The following SLIT1 variants were observed in gnomAD, a reference collection of about 807,000 sequenced individuals.
SLIT1 encodes slit guidance ligand 1.
A neutral mutation model predicts 186.1 loss-of-function variants in SLIT1; 66 were observed. The ratio of observed to expected loss-of-function variants is 0.35; its 90% CI spans 0.29 to 0.44. The LOEUF (loss-of-function observed/expected upper bound fraction) is 0.44. SLIT1 is among the 20% of genes least tolerant of loss of function. SLIT1 has a pLI of 1.00. For synonymous variants in SLIT1, 761 were observed against 833.8 expected, an observed-to-expected ratio of 0.91 and a Z score of 1.50; for missense variants, 1,638 against 2,037.4, an observed-to-expected ratio of 0.80 and a Z score of 3.77.
intron 4 of SLIT1, among the ~76,000 whole-genome samples, chr10:97,086,419 A>T (rs1849160091): frequency 6.6e-6 from 1 of 152,076 alleles, no homozygotes; most frequent in African/African-American, 2.4e-5. Flanking sequence ...AAAAAAAAAA[A>T]ATACAAAAAT....
Position 97,043,433 on chromosome 10 carries a change from T to C in SLIT1, c.1934A>G (p.Tyr645Cys), listed in dbSNP as rs560988850. 3 of 1,613,830 alleles carry C rather than the reference T, an allele frequency of 1.9e-6. No individual in the cohort carries two copies. The highest frequency in any genetic ancestry group is 2.2e-5 in the South Asian group (2 of 91,050). The change falls in exon 19 of 37, where the codon TAC (tyrosine) becomes TGC (cysteine). Residue 645 changes from tyrosine (Y) to cysteine (C), a missense_variant. Around this residue, in one of 3 missense-constraint regions of SLIT1, gnomAD observed 1,245 missense variants for 1,535.3 expected, o/e 0.81. Transcript: ENST00000266058. The surrounding 1 kb of genome is among the most constrained non-coding windows in gnomAD (Gnocchi z 7.0). The part of the protein sequence containing the change: ...GLRNVRLLSL[Y>C]DNQITTVSPG... Reference sequence around the variant, plus strand: ...GGATACGGTGGTGATCTGGTTGTCGTAGAGCGAGAGGAGCCGGACGTTGCG... The same window carrying C: ...GGATACGGTGGTGATCTGGTTGTCGCAGAGCGAGAGGAGCCGGACGTTGCG...
In SLIT1 at chr10:97,060,678, A is replaced by G. The variant is rs779554106; in HGVS notation, c.903T>C (p.Thr301=). The G allele has an allele frequency of 5.6e-6, 9 of 1,613,550 alleles. No individual in the cohort carries two copies. ...GIVDCRGKGL[T]AIPANLPETM... ...TCTCGGGCAGGTTGGCCGGGATGGC[A>G]GTGAGGCCTTTTCCACGACAGTCCA... is the stretch of plus-strand genomic sequence containing the variant. Residue 301 remains threonine (T), a synonymous_variant, in exon 9 of 37, where the codon ACT becomes ACC. Transcript: ENST00000266058.
intron 4 of SLIT1, among the ~76,000 whole-genome samples, chr10:97,121,503 C>T (rs183129210): frequency 6.6e-6 from 1 of 152,284 alleles, no homozygotes; most frequent in Admixed American, 6.5e-5. Flanking sequence ...AGTAATTCTG[C>T]GAGGTCACCA....
intron 4 of SLIT1, among the ~76,000 whole-genome samples, chr10:97,075,717 C>T (rs1432379523): frequency 6.6e-6 from 1 of 152,148 alleles, no homozygotes; most frequent in East Asian, 1.9e-4. Context: ...CATCGTCATC[C>T]CCGGGAAGTT....
At chr10:97,074,752 G>A (rs770079712) in intron 4 of SLIT1, among the ~76,000 whole-genome samples, 30 of 152,166 alleles carry the variant, frequency 2.0e-4, no homozygotes, top group Non-Finnish European at 3.4e-4. Context: ...GGGGCCGCCA[G>A]GCCCACACCC....
At chr10:97,069,398 C>T (rs1848982039) in intron 4 of SLIT1, among the ~76,000 whole-genome samples, 1 of 152,212 alleles carries the variant, frequency 6.6e-6, no homozygotes, top group South Asian at 2.1e-4. Flanking sequence ...AGATGGGAAA[C>T]CAGTGAGTGG....
intron 4 of SLIT1, among the ~76,000 whole-genome samples, chr10:97,093,615 T>A (rs1440197902): frequency 1.3e-5 from 2 of 152,140 alleles, no homozygotes; most frequent in Admixed American, 1.3e-4. Context: ...GATAGAGGGG[T>A]CCTGGGACTC....
chr10:97,034,606 G>A (rs1016428600), intron 22 of SLIT1, 64 bp from the exon 23 acceptor site: 42 of 1,425,224 alleles, frequency 2.9e-5, no homozygotes, highest in Non-Finnish European at 4.1e-5. Context: ...ACATTCACGG[G>A]CTTCTTCCCC....
At chr10:97,067,259 A>C (rs947126541) in intron 4 of SLIT1, among the ~76,000 whole-genome samples, 5 of 152,156 alleles carry the variant, frequency 3.3e-5, no homozygotes, top group African/African-American at 1.2e-4. Context: ...CCTCAGCCTC[A>C]GTGACTGCCA....
intron 25 of SLIT1, among the ~76,000 whole-genome samples, chr10:97,024,909 T>C (rs2134604077): frequency 6.6e-6 from 1 of 152,254 alleles, no homozygotes; most frequent in Admixed American, 6.5e-5. Flanking sequence ...TTACGGTCCC[T>C]CCATAAATGT....
intron 13 of SLIT1, among the ~76,000 whole-genome samples, chr10:97,053,554 T>C (rs1848809872): frequency 6.6e-6 from 1 of 152,170 alleles, no homozygotes; most frequent in Non-Finnish European, 1.5e-5. Context: ...GTAGATGTTA[T>C]CTGATGAAGA....
At position 97,068,818 on chromosome 10, in the gene SLIT1, C is replaced by A. The variant is rs1848976345; in HGVS notation, c.414-2732G>T. 6.6e-6 allele frequency among the ~76,000 whole-genome samples: 1 copy of A among 152,204 alleles called. No homozygotes were observed. Among genetic ancestry groups the A allele is most frequent in the African/African-American group, 2.4e-5 (1 of 41,436 alleles). ...CTGGAGACATTCCCCAGATTCCGCCCATTTAGGCTACTCCCCAGAGGGCCC... is the reference window on the plus strand; with the variant it reads ...CTGGAGACATTCCCCAGATTCCGCCAATTTAGGCTACTCCCCAGAGGGCCC... On this transcript the variant is annotated intron_variant, in intron 4 of 36. Coordinates refer to ENST00000266058, the MANE Select transcript of SLIT1 (RefSeq NM_003061.3). The surrounding 1 kb of genome is among the most constrained non-coding windows in gnomAD (Gnocchi z 4.2).
intron 34 of SLIT1, 59 bp from the exon 35 acceptor site, chr10:97,003,051 C>A: frequency 6.5e-7 from 1 of 1,541,390 alleles, no homozygotes; most frequent in Non-Finnish European, 8.9e-7. Flanking sequence ...GCCGGGCACC[C>A]ACCCCTGAGG....
chr10:97,098,857 G>A (rs536966159), intron 4 of SLIT1, among the ~76,000 whole-genome samples: 4 of 152,284 alleles, frequency 2.6e-5, no homozygotes, highest in Non-Finnish European at 1.5e-5. Context: ...ACAATGCCTG[G>A]GGGCATGGAG....
intron 21 of SLIT1, 138 bp from the exon 22 acceptor site, chr10:97,037,904 C>A: frequency 1.6e-6 from 1 of 611,048 alleles, no homozygotes; most frequent in Non-Finnish European, 2.8e-6. Flanking sequence ...GGCCCAGAAT[C>A]ACTTATGGGA....
Position 97,001,067 on chromosome 10 carries a change from G to A in SLIT1, c.*45C>T, listed in dbSNP as rs1280824536. The A allele has an allele frequency of 1.0e-5, 16 of 1,526,476 alleles. No homozygotes were observed. The highest frequency in any genetic ancestry group is 1.4e-5 in the Non-Finnish European group (16 of 1,107,174). The allele number at this position is 1,526,476 out of a possible 1,614,324, so 94.6% of individuals were successfully genotyped here. On this transcript the variant is annotated 3_prime_UTR_variant, in exon 37 of 37. Coordinates refer to ENST00000266058, the MANE Select transcript of SLIT1 (RefSeq NM_003061.3). ...GGCGACTGTCTCCGCTGCTGCAGCGGCTGGGGCCCCTTGCCCGCCCTCACC... is the reference window on the plus strand; with the variant it reads ...GGCGACTGTCTCCGCTGCTGCAGCGACTGGGGCCCCTTGCCCGCCCTCACC...
chr10:97,049,070 C>A lies in SLIT1; in HGVS notation c.1350G>T (p.Leu450=). 2 of 1,613,922 alleles carry A rather than the reference C, an allele frequency of 1.2e-6. No individual in the cohort carries two copies. Among genetic ancestry groups the A allele is most frequent in the Non-Finnish European group, 1.7e-6 (2 of 1,180,040 alleles). ...PFICDCNLKW[L]ADFLRTNPIE... ...TGGGATTGGTGCGCAGGAAGTCTGC[C>A]AGCCACTTGAGGTTACAGTCGCAAA... Residue 450 remains leucine (L), a synonymous_variant, in exon 14 of 37, where the codon CTG becomes CTT. Transcript: ENST00000266058.
Position 97,046,781 on chromosome 10 carries a change from T to C in SLIT1, c.1726A>G (p.Lys576Glu). 1.2e-6 allele frequency: 2 copies of C among 1,612,382 alleles called. No homozygotes were observed. The highest frequency in any genetic ancestry group is 2.2e-5 in the East Asian group (1 of 44,882). The stretch of plus-strand genomic sequence containing the variant: ...GCCCCATCTTCAATTTCTGACACCT[T>C]GTTGTTGCTCAGATTGCTGGGAGAA... ...HLKKINLSNN[K>E]VSEIEDGAFE... Residue 576 changes from lysine (K) to glutamate (E), a missense_variant, in exon 18 of 37, where the codon AAG (lysine) becomes GAG (glutamate). This residue lies in a region of SLIT1 where 1,245 missense variants were observed against 1,535.3 expected (regional missense o/e 0.81). Coordinates refer to ENST00000266058, the MANE Select transcript of SLIT1 (RefSeq NM_003061.3).
intron 4 of SLIT1, among the ~76,000 whole-genome samples, chr10:97,135,235 C>T (rs1196528588): frequency 2.6e-5 from 4 of 152,156 alleles, no homozygotes; most frequent in Admixed American, 1.3e-4. Flanking sequence ...CCTTCCCCAT[C>T]GCCTGACCAC....
Sources: gnomAD v4.1 joint callset for allele counts (sites outside exome capture counted in the v4.1 genomes callset) on GRCh38, gnomAD v4.1.1 for gene constraint, gnomAD v4.1.1 regional missense constraint, Gnocchi (gnomAD v3.1) non-coding constraint, MANE v1.5 for transcripts, NCBI Gene and HGNC (gene_info 2026-07-23, HGNC 2026-07-21) for gene names.